The following MAP2K4 variants were observed in gnomAD, a reference collection of about 807,000 sequenced individuals.
MAP2K4 encodes the protein dual specificity mitogen-activated protein kinase kinase 4.
A neutral mutation model predicts 48.5 loss-of-function variants in MAP2K4; 4 were observed. The observed-to-expected ratio is 0.08, with a 90% CI of 0.04 to 0.19. The LOEUF is 0.19. Among genes scored for constraint, MAP2K4 ranks in the 10% least tolerant of loss-of-function variants. MAP2K4 has a pLI of 1.00. For missense variants in MAP2K4, 258 were observed against 493.3 expected (o/e 0.52, Z 4.52); for synonymous variants, 166 against 173.1 (o/e 0.96, Z 0.32).
In MAP2K4 at chr17:12,020,979, C is replaced by G. The variant is rs1969012986; in HGVS notation, c.93C>G (p.His31Gln). Reference sequence around the variant, plus strand: ...CCGTAGGGTCCCCGGCGCCAGGCCACCCGGCCGTCAGCAGCATGCAGGGTA... The same window carrying G: ...CCGTAGGGTCCCCGGCGCCAGGCCAGCCGGCCGTCAGCAGCATGCAGGGTA... The part of the protein sequence containing the change: ...PGPVGSPAPG[H>Q]PAVSSMQGKR... Residue 31 changes from histidine (H) to glutamine (Q), a missense_variant, in exon 1 of 11, where the codon CAC becomes CAG. Physicochemically the swap from His to Gln is conservative, Grantham distance 24. Coordinates refer to ENST00000353533, the MANE Select transcript of MAP2K4 (RefSeq NM_003010.4). 8.2e-7 allele frequency: 1 copy of G among 1,212,532 alleles called. No individual in the cohort carries two copies. Among genetic ancestry groups the G allele is most frequent in the African/African-American group, 1.6e-5 (1 of 63,536 alleles). 75.1% of individuals were successfully genotyped at this position (1,212,532 alleles called of 1,614,324 possible). A position where few individuals can be genotyped will look rare whatever the true frequency, so the allele number is the denominator to read the frequency against.
intron 1 of MAP2K4, among the ~76,000 whole-genome samples, chr17:12,023,464 T>G (rs1213196139): frequency 6.6e-6 from 1 of 152,214 alleles, no homozygotes; most frequent in Non-Finnish European, 1.5e-5. Context: ...ATGTTTGATG[T>G]ACTTCCATTC....
intron 1 of MAP2K4, among the ~76,000 whole-genome samples, chr17:12,031,105 C>A (rs1375482448): frequency 6.6e-6 from 1 of 152,180 alleles, no homozygotes; most frequent in Non-Finnish European, 1.5e-5. Flanking sequence ...AGGGTCAGAC[C>A]TTCTAGGTTT....
rs575375822 is a variant in MAP2K4 at position 12,085,303 on chromosome 17, T to C, written c.393+3773T>C. Among the ~76,000 whole-genome samples, 12 of 152,204 alleles carry C rather than the reference T, an allele frequency of 7.9e-5. No homozygotes were observed. The South Asian group carries it at 2.5e-3, about 32-fold the overall frequency. ...AAGGGTTAATACTGTAATAAAGCTGTCATCTCATTGAAGAACTGAATAATA... is the reference window on the plus strand; with the variant it reads ...AAGGGTTAATACTGTAATAAAGCTGCCATCTCATTGAAGAACTGAATAATA... On this transcript the variant is annotated intron_variant, in intron 3 of 10. Transcript: ENST00000353533.
At chr17:12,066,044 T>C (rs940853373) in intron 2 of MAP2K4, among the ~76,000 whole-genome samples, 1 of 152,154 alleles carries the variant, frequency 6.6e-6, no homozygotes, top group East Asian at 1.9e-4. Context: ...TCAGGTATAG[T>C]GTACCCCTAA....
chr17:12,082,547 G>T (rs1242391019), intron 3 of MAP2K4, among the ~76,000 whole-genome samples: 2 of 152,170 alleles, frequency 1.3e-5, no homozygotes, highest in Non-Finnish European at 2.9e-5. Flanking sequence ...CTTGACATTT[G>T]AGAATGAATT....
At chr17:12,113,103 T>C in intron 6 of MAP2K4, 130 bp from the exon 7 acceptor site, 1 of 647,736 alleles carries the variant, frequency 1.5e-6, no homozygotes, top group Non-Finnish European at 2.6e-6. Context: ...GTTTTACTTC[T>C]TATATATCTG....
At position 12,139,822 on chromosome 17, in the gene MAP2K4, T is replaced by C. The variant is rs368381703; in HGVS notation, c.1041-17T>C. On this transcript the variant is annotated splice_polypyrimidine_tract_variant and intron_variant, in intron 9 of 10. Transcript: ENST00000353533. ...ATGAATCTACATTTTAATAATGTTATTTTTATGTTATTTTAGCCTTACGAA... is the reference window on the plus strand; with the variant it reads ...ATGAATCTACATTTTAATAATGTTACTTTTATGTTATTTTAGCCTTACGAA... 123 of 1,568,330 alleles carry C rather than the reference T, an allele frequency of 7.8e-5. No individual in the cohort carries two copies. Among genetic ancestry groups the C allele is most frequent in the Non-Finnish European group, 9.7e-5 (111 of 1,144,052 alleles).
Position 12,054,873 on chromosome 17 carries a change from AT to A in MAP2K4, c.116-13del. ...GTAGTACTTGAAACTTTTACTTTTT[AT>A]TTGTTATTTCTCAGGTAAACGCAAA... is the stretch of plus-strand genomic sequence containing the variant. On this transcript the variant is annotated splice_polypyrimidine_tract_variant and intron_variant, in intron 1 of 10. Coordinates refer to ENST00000353533, the MANE Select transcript of MAP2K4 (RefSeq NM_003010.4). 6.4e-7 allele frequency: 1 copy of A among 1,560,956 alleles called. No homozygotes were observed. Among genetic ancestry groups the A allele is most frequent in the Non-Finnish European group, 8.8e-7 (1 of 1,133,614 alleles).
At chr17:12,046,597 G>A (rs1969972339) in intron 1 of MAP2K4, among the ~76,000 whole-genome samples, 1 of 152,296 alleles carries the variant, frequency 6.6e-6, no homozygotes, top group Non-Finnish European at 1.5e-5. Context: ...GCTCAAAGGT[G>A]TGGCTGGCTG....
chr17:12,091,696 C>G (rs1223912180), intron 3 of MAP2K4, among the ~76,000 whole-genome samples: 1 of 152,004 alleles, frequency 6.6e-6, no homozygotes, highest in Non-Finnish European at 1.5e-5. Context: ...TGACCTGTAT[C>G]TACCTGCTGT....
intron 4 of MAP2K4, among the ~76,000 whole-genome samples, chr17:12,101,269 T>C (rs1310512269): frequency 6.6e-6 from 1 of 152,120 alleles, no homozygotes; most frequent in African/African-American, 2.4e-5. Context: ...TTTTTGCATG[T>C]GGATATCCTT....
rs1276211576 is a variant in MAP2K4, at chr17:12,078,941, G to A, written c.219-2415G>A. On this transcript the variant is annotated intron_variant, in intron 2 of 10. Coordinates refer to ENST00000353533, the MANE Select transcript of MAP2K4 (RefSeq NM_003010.4). ...GGAAAGATCGCTAGCCCAGTATAAA[G>A]ACGAATGTATGAACATGCCTTGGTG... 4.6e-5 allele frequency among the ~76,000 whole-genome samples: 7 copies of A among 152,186 alleles called. No homozygotes were observed. In the East Asian group the frequency reaches 1.3e-3, roughly 29 times the overall value.
intron 2 of MAP2K4, among the ~76,000 whole-genome samples, chr17:12,079,043 G>T (rs962693034): frequency 6.6e-6 from 1 of 152,180 alleles, no homozygotes; most frequent in Non-Finnish European, 1.5e-5. Context: ...GGAACTCTGG[G>T]TAGGAATCAC....
chr17:12,089,752 A>T (rs369657468), intron 3 of MAP2K4, among the ~76,000 whole-genome samples: 1 of 152,144 alleles, frequency 6.6e-6, no homozygotes, highest in South Asian at 2.1e-4. Context: ...GAATTTAGAG[A>T]TCTGCCAGGA....
Position 12,081,495 on chromosome 17 carries a change from G to C in MAP2K4, c.358G>C (p.Val120Leu), listed in dbSNP as rs769619151. ...RGAYGSVNKM[V>L]HKPSGQIMAV... Reference sequence around the variant, plus strand: ...AGCTTATGGTTCTGTCAACAAAATGGTCCACAAACCAAGTGGGCAAATAAT... The same window carrying C: ...AGCTTATGGTTCTGTCAACAAAATGCTCCACAAACCAAGTGGGCAAATAAT... The change falls in exon 3 of 11, where the codon GTC becomes CTC. Residue 120 changes from valine to leucine, a missense_variant. Val to Leu is a conservative substitution (Grantham distance 32). Transcript: ENST00000353533. This position sits in a 1 kb window ranked among gnomAD's most constrained non-coding sequence, Gnocchi z 4.2. The C allele has an allele frequency of 6.2e-7, 1 of 1,613,946 alleles. No homozygotes were observed. Among genetic ancestry groups the C allele is most frequent in the African/African-American group, 1.3e-5 (1 of 74,900 alleles).
At chr17:12,069,898 TA>T in intron 2 of MAP2K4, 1 of 3,774 alleles carries the variant, frequency 2.6e-4, no homozygotes, top group Non-Finnish European at 4.2e-4. Context: ...GTCATATATA[TA>T]TATATATATA....
chr17:12,051,816 ATTTT>A, intron 1 of MAP2K4, among the ~76,000 whole-genome samples: 1 of 151,890 alleles, frequency 6.6e-6, no homozygotes, highest in African/African-American at 2.4e-5. Flanking sequence ...TTCGGTTTTG[ATTTT>A]TTTGAGGGAC....
At chr17:12,113,743 G>T (rs1203109281) in intron 7 of MAP2K4, among the ~76,000 whole-genome samples, 1 of 152,158 alleles carries the variant, frequency 6.6e-6, no homozygotes, top group East Asian at 1.9e-4. Flanking sequence ...AGAGTCTGAA[G>T]CTGCATATTT....
At chr17:12,090,283 G>A (rs1299367626) in intron 3 of MAP2K4, among the ~76,000 whole-genome samples, 1 of 152,130 alleles carries the variant, frequency 6.6e-6, no homozygotes, top group African/African-American at 2.4e-5. Flanking sequence ...TCAGGACACC[G>A]GCAGTCACAG....
Sources: gnomAD v4.1 joint callset for allele counts (sites outside exome capture counted in the v4.1 genomes callset) on GRCh38, gnomAD v4.1.1 for gene constraint, Gnocchi (gnomAD v3.1) non-coding constraint, MANE v1.5 for transcripts, NCBI Gene and HGNC (gene_info 2026-07-23, HGNC 2026-07-21) for gene names.